MPRIP: variants seen among roughly 807,000 people sequenced by gnomAD.
MPRIP encodes myosin phosphatase Rho interacting protein.
MPRIP carries 59 observed loss-of-function variants against 234.9 expected under a neutral mutation model. That is an observed-to-expected ratio of 0.25 (90% confidence interval 0.20 to 0.31). The LOEUF is 0.31. Ranked by LOEUF, MPRIP falls within the 10% of genes least tolerant of loss-of-function variation. The probability of loss-of-function intolerance (pLI) is 1.00; values close to 1 mark genes in which losing one functional copy is unlikely to be tolerated. For synonymous variants in MPRIP, 1,144 were observed against 1,263.9 expected (o/e 0.91, Z 2.01); for missense variants, 2,436 against 3,071.0 (o/e 0.79, Z 4.89).
At chr17:17,126,345 C>T (rs992267440) in intron 3 of MPRIP, among the ~76,000 whole-genome samples, 12 of 152,184 alleles carry the variant, frequency 7.9e-5, no homozygotes, top group Non-Finnish European at 1.8e-4. Context: ...AAACTGCCTC[C>T]TCTGGAGCTT....
intron 23 of MPRIP, among the ~76,000 whole-genome samples, chr17:17,184,371 A>G (rs2046431699): frequency 6.6e-6 from 1 of 152,214 alleles, no homozygotes; most frequent in South Asian, 2.1e-4. Flanking sequence ...CGGGACACCC[A>G]TCCTGCTGGG....
At position 17,158,906 on chromosome 17, in the gene MPRIP, A is replaced by G. The variant is rs745606735; in HGVS notation, c.2304A>G (p.Glu768=). The change falls in exon 14 of 24, where the codon GAA becomes GAG. Residue 768 remains glutamate (E), a synonymous_variant. Transcript: ENST00000651222. ...WHQVETTPLR[E]EKQVPIAPVH... ...AGGTGGAGACCACACCTCTCCGGGAAGAGAAGCAGGTGCCCATCGCCCCCG... is the reference window on the plus strand; with the variant it reads ...AGGTGGAGACCACACCTCTCCGGGAGGAGAAGCAGGTGCCCATCGCCCCCG... 1 of 1,612,566 alleles carries G rather than the reference A, an allele frequency of 6.2e-7. No homozygotes were observed. Among genetic ancestry groups the G allele is most frequent in the South Asian group, 1.1e-5 (1 of 91,072 alleles).
At chr17:17,142,481 G>C in intron 7 of MPRIP, 146 bp from the exon 8 acceptor site, 1 of 900,920 alleles carries the variant, frequency 1.1e-6, no homozygotes, top group Non-Finnish European at 1.7e-6. Flanking sequence ...GCTCGGGTCA[G>C]CTGAGCACGT....
At chr17:17,109,180 T>C (rs1185775602) in intron 3 of MPRIP, among the ~76,000 whole-genome samples, 1 of 152,236 alleles carries the variant, frequency 6.6e-6, no homozygotes, top group Non-Finnish European at 1.5e-5. Context: ...GTATCCGTTC[T>C]GCCCACTGCT....
At chr17:17,057,965 TAAGAAA>T (rs769824974) in intron 1 of MPRIP, 271 of 440,800 alleles carry the variant, frequency 6.1e-4, no homozygotes, top group Middle Eastern at 6.3e-4. Context: ...CCACCCAACT[TAAGAAA>T]GAGAACACTG....
chr17:17,140,120 A>C (rs1301251144), intron 7 of MPRIP, among the ~76,000 whole-genome samples: 3 of 152,188 alleles, frequency 2.0e-5, no homozygotes, highest in African/African-American at 4.8e-5. Context: ...AGAGAGGAGG[A>C]GGCCAGTGGG....
rs71355536 is a variant in MPRIP, at chr17:17,082,285, ATTTTTTTTTTTT to A, written c.267+4225_267+4236del. Among the ~76,000 whole-genome samples the A allele has an allele frequency of 2.3e-3, 201 of 88,708 alleles. 1 individual carries two copies. Among genetic ancestry groups the A allele is most frequent in the African/African-American group, 8.2e-3 (179 of 21,740 alleles). 58.2% of individuals were successfully genotyped at this position (88,708 alleles called of 152,430 possible). On this transcript the variant is annotated intron_variant, in intron 3 of 23. Coordinates refer to ENST00000651222, the MANE Select transcript of MPRIP (RefSeq NM_001364716.4). Reference sequence around the variant, plus strand: ...AAAAGCTGATCAAATGCTTTTTCCAATTTTTTTTTTTTTTTTTTTTTTTTTTTGAGACGGAGT... The same window carrying A: ...AAAAGCTGATCAAATGCTTTTTCCAATTTTTTTTTTTTTTTGAGACGGAGT...
At chr17:17,137,835 ATGGGCTTT>A in intron 6 of MPRIP, 73 bp from the exon 7 acceptor site, 2 of 1,354,228 alleles carry the variant, frequency 1.5e-6, no homozygotes, top group African/African-American at 1.5e-5. Flanking sequence ...TGGATCCTAC[ATGGGCTTT>A]AAAAAAAAAA....
At chr17:17,090,036 G>A (rs1195217011) in intron 3 of MPRIP, among the ~76,000 whole-genome samples, 1 of 152,224 alleles carries the variant, frequency 6.6e-6, no homozygotes, top group East Asian at 1.9e-4. Flanking sequence ...AACCCCAGGG[G>A]GAGGTGGGGA....
intron 3 of MPRIP, among the ~76,000 whole-genome samples, chr17:17,092,160 A>G (rs2089734214): frequency 6.6e-6 from 1 of 152,116 alleles, no homozygotes. Context: ...TCCTCTCCCC[A>G]CTCCAAAGAT....
At chr17:17,160,103 T>C (rs887068983) in intron 14 of MPRIP, among the ~76,000 whole-genome samples, 2 of 152,102 alleles carry the variant, frequency 1.3e-5, no homozygotes, top group African/African-American at 2.4e-5. Flanking sequence ...GCATGGTGGC[T>C]CACGCCTGTA....
chr17:17,131,342 A>G (rs2090592616), intron 4 of MPRIP, among the ~76,000 whole-genome samples: 1 of 152,226 alleles, frequency 6.6e-6, no homozygotes, highest in South Asian at 2.1e-4. Flanking sequence ...CCCTGGAGAC[A>G]GGGTCAGTAA....
rs959644697 is a variant in MPRIP, at chr17:17,185,192, C to T, written c.*298C>T. On this transcript the variant is annotated 3_prime_UTR_variant, in exon 24 of 24. Coordinates refer to ENST00000651222, the MANE Select transcript of MPRIP (RefSeq NM_001364716.4). The stretch of plus-strand genomic sequence containing the variant: ...CCTTTCCTGGCTGTGACCCGCCACA[C>T]TCACTGTCAGTATTAAGGCCCAGCA... The T allele has an allele frequency of 1.4e-4, 47 of 344,412 alleles. No individual in the cohort carries two copies. Among genetic ancestry groups the T allele is most frequent in the Middle Eastern group, 2.0e-3 (2 of 984 alleles). The allele number at this position is 344,412 out of a possible 1,614,324, so 21.3% of individuals were successfully genotyped here. A position where few individuals can be genotyped will look rare whatever the true frequency, so the allele number is the denominator to read the frequency against.
At chr17:17,104,113 G>A (rs757473662) in intron 3 of MPRIP, among the ~76,000 whole-genome samples, 3 of 152,158 alleles carry the variant, frequency 2.0e-5, no homozygotes, top group South Asian at 2.1e-4. Flanking sequence ...CTAAGTGCTC[G>A]TAAACACTCT....
chr17:17,113,885 C>CT lies in MPRIP; in HGVS notation c.268-12798dup, dbSNP rs1396154528. ...TTTGCATTTTCTTTTCTTTTCTTTT[C>CT]TTTTTTTTTTTTTTTTTTTACTTAA... On this transcript the variant is annotated intron_variant, in intron 3 of 23. Coordinates refer to ENST00000651222, the MANE Select transcript of MPRIP (RefSeq NM_001364716.4). Among the ~76,000 whole-genome samples the CT allele has an allele frequency of 1.7e-3, 163 of 98,450 alleles. 1 individual carries two copies. The highest frequency in any genetic ancestry group is 2.2e-3 in the African/African-American group (52 of 23,512). The allele number at this position is 98,450 out of a possible 152,430, so 64.6% of individuals were successfully genotyped here.
At position 17,183,735 on chromosome 17, in the gene MPRIP, AC is replaced by A. The variant is rs950956884; in HGVS notation, c.7207-1086del. 7.2e-5 allele frequency among the ~76,000 whole-genome samples: 11 copies of A among 152,300 alleles called. No individual in the cohort carries two copies. The South Asian group carries it at 2.3e-3, about 32-fold the overall frequency. On this transcript the variant is annotated intron_variant, in intron 23 of 23. Coordinates refer to ENST00000651222, the MANE Select transcript of MPRIP (RefSeq NM_001364716.4). ...CCATGCTCAGTCCCCAGTCTATCAC[AC>A]CAGAGTCTCCAGGACAGTGCCAGAG...
intron 1 of MPRIP, among the ~76,000 whole-genome samples, chr17:17,067,381 T>A (rs373040732): frequency 6.6e-6 from 1 of 152,134 alleles, no homozygotes; most frequent in South Asian, 2.1e-4. Flanking sequence ...ACCACCACAG[T>A]CCATCTGATA....
At chr17:17,155,746 C>T (rs1298117347) in intron 13 of MPRIP, among the ~76,000 whole-genome samples, 3 of 152,264 alleles carry the variant, frequency 2.0e-5, no homozygotes, top group Non-Finnish European at 4.4e-5. Context: ...CTCTGTCTCT[C>T]AGGATCCTAT....
intron 7 of MPRIP, among the ~76,000 whole-genome samples, chr17:17,141,004 G>A (rs1408233536): frequency 6.6e-6 from 1 of 152,202 alleles, no homozygotes; most frequent in East Asian, 1.9e-4. Flanking sequence ...AGGGCAGCCA[G>A]TGTGCGAGCC....
Sources: allele counts gnomAD v4.1 joint callset (sites outside exome capture counted in the v4.1 genomes callset), GRCh38; gene constraint gnomAD v4.1.1; transcripts MANE v1.5; gene names NCBI Gene and HGNC (gene_info 2026-07-23, HGNC 2026-07-21).